PTCHD1: variants seen among roughly 807,000 people sequenced by gnomAD.
PTCHD1 encodes the protein patched domain-containing protein 1.
PTCHD1 carries 3 observed loss-of-function variants against 34.6 expected under a neutral mutation model. That is an observed-to-expected ratio of 0.09 (90% CI 0.04 to 0.22). The LOEUF (loss-of-function observed/expected upper bound fraction) is 0.22. PTCHD1 is among the 10% of genes least tolerant of loss of function. The probability of loss-of-function intolerance (pLI) is 1.00; values close to 1 mark genes in which losing one functional copy is unlikely to be tolerated. For missense variants in PTCHD1, 504 were observed against 685.5 expected, an observed-to-expected ratio of 0.74 and a Z score of 2.96; for synonymous variants, 305 against 283.1, an observed-to-expected ratio of 1.08 and a Z score of -0.77.
intron 1 of PTCHD1, among the ~76,000 whole-genome samples, chrX:23,337,714 C>T (rs1229387239): frequency 1.8e-5 from 2 of 111,339 alleles, no homozygotes; most frequent in Admixed American, 1.9e-4. Flanking sequence ...TATGGCGTCA[C>T]ATTTGAAATG....
chrX:23,379,903 A>G lies in PTCHD1; in HGVS notation c.664A>G (p.Asn222Asp). 2.5e-6 allele frequency: 3 copies of G among 1,211,435 alleles called. No individual in the cohort carries two copies. Among genetic ancestry groups the G allele is most frequent in the Non-Finnish European group, 3.4e-6 (3 of 895,061 alleles). Reference protein sequence around the residue: ...TYYLQSINSLNDMVAERWESS... With the variant: ...TYYLQSINSLDDMVAERWESS... ...CTACCTGCAGTCAATCAACAGTCTC[A>G]ATGACATGGTGGCTGAGAGGTGGGA... The change falls in exon 2 of 3, where the codon AAT (asparagine) becomes GAT (aspartate). Residue 222 changes from asparagine (N) to aspartate (D), a missense_variant. Physicochemically the swap from Asn to Asp is conservative, Grantham distance 23. Coordinates refer to ENST00000379361, the MANE Select transcript of PTCHD1 (RefSeq NM_173495.3).
At position 23,397,743 on chromosome X, in the gene PTCHD1, G is replaced by A. The variant is rs1923025921; in HGVS notation, c.*3558G>A. On this transcript the variant is annotated 3_prime_UTR_variant, in exon 3 of 3. Transcript: ENST00000379361. ...CACCCAATCGTAAGTGGCATTATGG[G>A]ACCATGATACCACTTTTCTCCAGTG... 9.0e-6 allele frequency: 1 copy of A among 110,797 alleles called. No individual in the cohort carries two copies. Among genetic ancestry groups the A allele is most frequent in the South Asian group, 3.9e-4 (1 of 2,536 alleles). 9.1% of individuals were successfully genotyped at this position (110,797 alleles called of 1,213,427 possible).
chrX:23,391,969 G>A (rs1922839192), intron 2 of PTCHD1, among the ~76,000 whole-genome samples: 2 of 110,021 alleles, frequency 1.8e-5, no homozygotes, highest in Non-Finnish European at 3.8e-5. Context: ...AGATCCACCT[G>A]CCTTAGCCTC....
At chrX:23,342,294 ATATATATATATATATATTT>A (rs1278598309) in intron 1 of PTCHD1, among the ~76,000 whole-genome samples, 2 of 7,829 alleles carry the variant, frequency 2.6e-4, no homozygotes, top group African/African-American at 1.6e-3. Flanking sequence ...ATATATATAT[ATATATATATATATATATTT>A]TTTTTTTTTT....
chrX:23,394,215 G>A lies in PTCHD1; in HGVS notation c.*30G>A, dbSNP rs1922912563. ...GTCTGCTTGGCATATTTTCACCTTA[G>A]GTCTTATCAAGACCAAAGAGATTAT... On this transcript the variant is annotated 3_prime_UTR_variant, in exon 3 of 3. Coordinates refer to ENST00000379361, the MANE Select transcript of PTCHD1 (RefSeq NM_173495.3). 3 of 1,038,992 alleles carry A rather than the reference G, an allele frequency of 2.9e-6. No individual in the cohort carries two copies. Among genetic ancestry groups the A allele is most frequent in the East Asian group, 6.1e-5 (2 of 32,699 alleles). The allele number at this position is 1,038,992 out of a possible 1,213,427, so 85.6% of individuals were successfully genotyped here.
intron 1 of PTCHD1, among the ~76,000 whole-genome samples, chrX:23,371,256 C>T (rs986129086): frequency 8.9e-6 from 1 of 111,748 alleles, no homozygotes; most frequent in Non-Finnish European, 1.9e-5. Flanking sequence ...GGACCTCCCC[C>T]AGAAGCTAAC....
chrX:23,392,058 T>TC (rs1387581087), intron 2 of PTCHD1, among the ~76,000 whole-genome samples: 58 of 81,042 alleles, frequency 7.2e-4, no homozygotes, highest in African/African-American at 2.6e-3. Flanking sequence ...TTTCTTTCTT[T>TC]TTTCTTTCTT....
At chrX:23,341,588 T>C (rs2146608811) in intron 1 of PTCHD1, among the ~76,000 whole-genome samples, 1 of 112,347 alleles carries the variant, frequency 8.9e-6, no homozygotes, top group African/African-American at 3.2e-5. Context: ...CAGGCCTGTC[T>C]GCAGCACTGC....
chrX:23,391,738 C>G (rs1922833003), intron 2 of PTCHD1, among the ~76,000 whole-genome samples: 1 of 112,144 alleles, frequency 8.9e-6, no homozygotes, highest in Admixed American at 9.4e-5. Context: ...GGACGGAAAG[C>G]AAAATGATGA....
intron 1 of PTCHD1, among the ~76,000 whole-genome samples, chrX:23,342,311 T>TATATATATATA (rs1491209851): frequency 1.5e-3 from 13 of 8,859 alleles, no homozygotes; most frequent in African/African-American, 2.2e-3. Flanking sequence ...TATATATATA[T>TATATATATATA]TTTTTTTTTT....
intron 1 of PTCHD1, among the ~76,000 whole-genome samples, chrX:23,368,791 G>A (rs752280655): frequency 3.8e-4 from 42 of 111,596 alleles, no homozygotes; most frequent in Non-Finnish European, 7.3e-4. Context: ...GGCCGGGTGC[G>A]GTGGCTCACG....
Position 23,379,724 on chromosome X carries a change from A to G in PTCHD1, c.485A>G (p.Asn162Ser). The G allele has an allele frequency of 8.3e-7, 1 of 1,211,335 alleles. No individual in the cohort carries two copies. The highest frequency in any genetic ancestry group is 1.1e-6 in the Non-Finnish European group (1 of 895,443). The change falls in exon 2 of 3, where the codon AAT (asparagine) becomes AGT (serine). Residue 162 changes from asparagine to serine, a missense_variant. Asn to Ser is a conservative substitution (Grantham distance 46, BLOSUM62 1). Transcript: ENST00000379361. ...GTGCACGTCCTGGAAGAGCTAAAGA[A>G]TGCTCGGGCCACCAATCGGACCAAT... ...DIVHVLEELK[N>S]ARATNRTNFA... is the part of the protein sequence containing the mutation.
chrX:23,402,888 T>C lies in PTCHD1; in HGVS notation c.*8703T>C, dbSNP rs891753442. The C allele has an allele frequency of 8.9e-6, 1 of 112,713 alleles. No homozygotes were observed. The highest frequency in any genetic ancestry group is 3.2e-5 in the African/African-American group (1 of 31,026). The allele number at this position is 112,713 out of a possible 1,213,427, so 9.3% of individuals were successfully genotyped here. A position where few individuals can be genotyped will look rare whatever the true frequency, so the allele number is the denominator to read the frequency against. On this transcript the variant is annotated 3_prime_UTR_variant, in exon 3 of 3. Coordinates refer to ENST00000379361, the MANE Select transcript of PTCHD1 (RefSeq NM_173495.3). ...AAAGATAATCTCTGCCAATAATTAT[T>C]AATGACAAAATAGTGATAACTGTTC...
intron 1 of PTCHD1, among the ~76,000 whole-genome samples, chrX:23,374,884 T>C (rs1263118790): frequency 8.9e-6 from 1 of 111,855 alleles, no homozygotes; most frequent in Non-Finnish European, 1.9e-5. Context: ...TTTTAACTGA[T>C]AAATATGAGA....
At chrX:23,379,094 G>T (rs1922486690) in intron 1 of PTCHD1, among the ~76,000 whole-genome samples, 1 of 112,131 alleles carries the variant, frequency 8.9e-6, no homozygotes, top group Admixed American at 9.4e-5. Flanking sequence ...GCCAGCAGAG[G>T]ATCTCTGCAT....
intron 1 of PTCHD1, among the ~76,000 whole-genome samples, chrX:23,378,928 C>A (rs1922482631): frequency 8.9e-6 from 1 of 112,008 alleles, no homozygotes; most frequent in African/African-American, 3.2e-5. Flanking sequence ...CCCAGCCAGG[C>A]TCTTACAGTT....
chrX:23,347,139 T>C (rs992523718), intron 1 of PTCHD1, among the ~76,000 whole-genome samples: 8 of 111,596 alleles, frequency 7.2e-5, no homozygotes, highest in African/African-American at 2.6e-4. Context: ...ACCTAAGAGT[T>C]GGTGGGGGGA....
At chrX:23,390,413 A>G (rs1922801445) in intron 2 of PTCHD1, among the ~76,000 whole-genome samples, 1 of 110,859 alleles carries the variant, frequency 9.0e-6, no homozygotes, top group Non-Finnish European at 1.9e-5. Context: ...CCTCATTGTC[A>G]AGAGAATGGT....
chrX:23,366,003 G>C (rs923520632), intron 1 of PTCHD1, among the ~76,000 whole-genome samples: 1 of 112,256 alleles, frequency 8.9e-6, no homozygotes, highest in Non-Finnish European at 1.9e-5. Context: ...GGCACATTAA[G>C]ACCCAAACCT....
Sources: allele counts gnomAD v4.1 joint callset (sites outside exome capture counted in the v4.1 genomes callset), GRCh38; gene constraint gnomAD v4.1.1; transcripts MANE v1.5; gene names NCBI Gene and HGNC (gene_info 2026-07-23, HGNC 2026-07-21).